The following GLB1L3 variants were observed in gnomAD, a reference collection of about 807,000 sequenced individuals.
GLB1L3 encodes the protein beta-galactosidase-1-like protein 3.
In GLB1L3, 89 loss-of-function variants were observed where a neutral mutation model predicts 89.5. The observed-to-expected ratio is 0.99, with a 90% CI of 0.84 to 1.19. The LOEUF (loss-of-function observed/expected upper bound fraction) is 1.19. Among genes scored for constraint, GLB1L3 ranks in the 50% most tolerant of loss-of-function variants. GLB1L3 has a pLI of 0.00. For synonymous variants in GLB1L3, 314 were observed against 312.3 expected, an observed-to-expected ratio of 1.01 and a Z score of -0.06; for missense variants, 812 against 813.3, an observed-to-expected ratio of 1.00 and a Z score of 0.02.
At chr11:134,310,693 G>A (rs774578034) in intron 12 of GLB1L3, 42 bp downstream of exon 12, 1 of 1,447,348 alleles carries the variant, frequency 6.9e-7, no homozygotes, top group Non-Finnish European at 9.7e-7. Flanking sequence ...CCCTCCTCAT[G>A]TGGAGTCTCT....
intron 18 of GLB1L3, among the ~76,000 whole-genome samples, chr11:134,315,971 G>T (rs1017322013): frequency 1.3e-5 from 2 of 152,118 alleles, no homozygotes; most frequent in Admixed American, 6.5e-5. Flanking sequence ...GTTTTAAAAA[G>T]ATTTTTTGAG....
the GLB1L3 span, among the ~76,000 whole-genome samples, chr11:134,325,148 A>G: frequency 6.6e-6 from 1 of 152,188 alleles, no homozygotes; most frequent in African/African-American, 2.4e-5. Flanking sequence ...CAGTTTTTAT[A>G]ATAATCAGTA....
Position 134,318,944 on chromosome 11 carries a change from A to C in GLB1L3, c.*2A>C. ...TCTACAGACAAGCCCACGCTGTAAA[A>C]CTGTGTCTGAACATTTTTTTTTTTT... On this transcript the variant is annotated 3_prime_UTR_variant, in exon 20 of 20. Coordinates refer to ENST00000431683, the MANE Select transcript of GLB1L3 (RefSeq NM_001080407.3). 1 of 1,597,420 alleles carries C rather than the reference A, an allele frequency of 6.3e-7. No homozygotes were observed. Among genetic ancestry groups the C allele is most frequent in the South Asian group, 1.1e-5 (1 of 90,204 alleles).
At chr11:134,313,540 C>CG in intron 16 of GLB1L3, 66 bp downstream of exon 16, 1 of 507,612 alleles carries the variant, frequency 2.0e-6, no homozygotes. Context: ...GCACTGGAGT[C>CG]GGGGGCGGGA....
rs752364995 is a variant in GLB1L3 at position 134,283,734 on chromosome 11, C to T, written c.528-3C>T. ...ACCCTGAGCCCGCCCCTCTTGCCCC[C>T]AGCTGGCTCCTGCAAGACCCCCGGT... On this transcript the variant is annotated splice_region_variant and splice_polypyrimidine_tract_variant and intron_variant, in intron 5 of 19. Coordinates refer to ENST00000431683, the MANE Select transcript of GLB1L3 (RefSeq NM_001080407.3). 1.3e-6 allele frequency: 2 copies of T among 1,596,890 alleles called. No homozygotes were observed. The highest frequency in any genetic ancestry group is 1.7e-6 in the Non-Finnish European group (2 of 1,166,250).
chr11:134,292,701 C>T (rs1398416701), intron 8 of GLB1L3: 6 of 258,048 alleles, frequency 2.3e-5, no homozygotes, highest in African/African-American at 4.6e-5. Flanking sequence ...AGATTCTGGA[C>T]GGACTCATCA....
chr11:134,292,797 A>C (rs1941428454), intron 8 of GLB1L3: 1 of 413,770 alleles, frequency 2.4e-6, no homozygotes, highest in African/African-American at 2.1e-5. Flanking sequence ...CCTCCTTAGT[A>C]GTGGCTCTTC....
intron 6 of GLB1L3, among the ~76,000 whole-genome samples, chr11:134,288,273 GA>G (rs1347202681): frequency 1.3e-5 from 2 of 152,174 alleles, no homozygotes; most frequent in African/African-American, 4.8e-5. Flanking sequence ...AGGAGAGTGG[GA>G]AGAGGGGAAC....
intron 18 of GLB1L3, among the ~76,000 whole-genome samples, chr11:134,316,613 C>T (rs192604572): frequency 2.0e-5 from 3 of 152,238 alleles, no homozygotes; most frequent in South Asian, 2.1e-4. Context: ...AAGTAGACTT[C>T]GGTATGTGCA....
At chr11:134,292,533 G>A (rs1941411098) in intron 8 of GLB1L3, 2 of 246,386 alleles carry the variant, frequency 8.1e-6, no homozygotes, top group African/African-American at 4.4e-5. Flanking sequence ...CCTGGCTTGG[G>A]ATCAGGGCCA....
At chr11:134,294,771 G>T (rs917028301) in intron 9 of GLB1L3, among the ~76,000 whole-genome samples, 1 of 152,208 alleles carries the variant, frequency 6.6e-6, no homozygotes, top group African/African-American at 2.4e-5. Flanking sequence ...TTCACACAGC[G>T]TGGTGTTTCT....
intron 18 of GLB1L3, among the ~76,000 whole-genome samples, chr11:134,317,652 A>G (rs947385000): frequency 6.6e-6 from 1 of 152,190 alleles, no homozygotes; most frequent in African/African-American, 2.4e-5. Flanking sequence ...TGTTAGATCA[A>G]TGTTCTATTA....
chr11:134,277,554 T>G (rs1268082098), intron 2 of GLB1L3, 103 bp downstream of exon 2: 20 of 1,539,406 alleles, frequency 1.3e-5, no homozygotes, highest in Middle Eastern at 1.7e-4. Flanking sequence ...TACTAACATA[T>G]GCACAGAACA....
At position 134,277,797 on chromosome 11, in the gene GLB1L3, G is replaced by C; in HGVS notation, c.247G>C (p.Glu83Gln). ...TCGGGGTAAGCCCCACTTCACACTG[G>C]AGGGCCACAAGTTCCTGATCTTCGG... ...TGRGKPHFTL[E>Q]GHKFLIFGGS... The change falls in exon 3 of 20, where the codon GAG becomes CAG. Residue 83 changes from glutamate (E) to glutamine (Q), a missense_variant. Around this residue, in one of 3 missense-constraint regions of GLB1L3, gnomAD observed 191 missense variants for 191.4 expected, o/e 1.00. Coordinates refer to ENST00000431683, the MANE Select transcript of GLB1L3 (RefSeq NM_001080407.3). The C allele has an allele frequency of 1.2e-6, 2 of 1,614,092 alleles. No individual in the cohort carries two copies. Among genetic ancestry groups the C allele is most frequent in the Non-Finnish European group, 1.7e-6 (2 of 1,180,026 alleles).
At chr11:134,297,258 T>A (rs970624550) in intron 9 of GLB1L3, among the ~76,000 whole-genome samples, 1 of 152,224 alleles carries the variant, frequency 6.6e-6, no homozygotes, top group Non-Finnish European at 1.5e-5. Context: ...TTTATATACC[T>A]TAACATCTGT....
At chr11:134,312,549 G>T in intron 14 of GLB1L3, 60 bp downstream of exon 14, 1 of 1,584,074 alleles carries the variant, frequency 6.3e-7, no homozygotes, top group Non-Finnish European at 8.6e-7. Context: ...ATGCTGTCGG[G>T]CAGGGTAGTT....
chr11:134,296,860 A>AATAATAATAATAATAATC (rs1197637950), intron 9 of GLB1L3, among the ~76,000 whole-genome samples: 10 of 131,200 alleles, frequency 7.6e-5, no homozygotes, highest in African/African-American at 2.8e-4. Flanking sequence ...TAATAATAAT[A>AATAATAATAATAATAATC]ATAAAAACAA....
intron 6 of GLB1L3, chr11:134,287,069 G>A (rs1941048832): frequency 6.6e-6 from 1 of 151,602 alleles, no homozygotes; most frequent in Admixed American, 6.6e-5. Flanking sequence ...GCTGACGCAG[G>A]AGAATGACGT....
chr11:134,313,843 C>G (rs1451923034), intron 16 of GLB1L3, 98 bp from the exon 17 acceptor site: 5 of 786,416 alleles, frequency 6.4e-6, no homozygotes, highest in East Asian at 2.6e-5. Context: ...TGCCCCTGTC[C>G]TAAGGCATGT....
Sources: gnomAD v4.1 joint callset for allele counts (sites outside exome capture counted in the v4.1 genomes callset) on GRCh38, gnomAD v4.1.1 for gene constraint, gnomAD v4.1.1 regional missense constraint, MANE v1.5 for transcripts, NCBI Gene and HGNC (gene_info 2026-07-23, HGNC 2026-07-21) for gene names.